The following GNA14 variants were observed in gnomAD, a reference collection of about 807,000 sequenced individuals.
GNA14 encodes guanine nucleotide-binding protein subunit alpha-14.
In GNA14, 50 loss-of-function variants were observed where a neutral mutation model predicts 42.0. The observed-to-expected ratio is 1.19, with a 90% CI of 0.95 to 1.51. The LOEUF (loss-of-function observed/expected upper bound fraction) is 1.51. Ranked by LOEUF, GNA14 falls within the 40% of genes most tolerant of loss-of-function variation. The pLI is 0.00. For synonymous variants in GNA14, 173 were observed against 163.1 expected, an observed-to-expected ratio of 1.06 and a Z score of -0.46; for missense variants, 473 against 446.2, an observed-to-expected ratio of 1.06 and a Z score of -0.54.
chr9:77,526,642 C>G (rs1265270459), intron 2 of GNA14: 2 of 152,358 alleles, frequency 1.3e-5, no homozygotes, highest in East Asian at 1.9e-4. Flanking sequence ...CAGCCACCAC[C>G]AGAAGCTGGG....
chr9:77,613,108 C>A (rs1027798484), intron 1 of GNA14, among the ~76,000 whole-genome samples: 17 of 152,132 alleles, frequency 1.1e-4, no homozygotes, highest in African/African-American at 4.1e-4. Context: ...TGAAATAAGC[C>A]AGACAGAGAA....
chr9:77,540,878 A>AGGTAGGTTTCT (rs1219204984), intron 1 of GNA14, among the ~76,000 whole-genome samples: 1 of 152,098 alleles, frequency 6.6e-6, no homozygotes, highest in Non-Finnish European at 1.5e-5. Flanking sequence ...TGTAGGCAGC[A>AGGTAGGTTTCT]TATAGTTAGA....
In GNA14 at chr9:77,434,395, T is replaced by C. The variant is rs1251900307; in HGVS notation, c.437A>G (p.Glu146Gly). The C allele has an allele frequency of 1.2e-6, 2 of 1,614,050 alleles. No homozygotes were observed. The highest frequency in any genetic ancestry group is 1.7e-5 in the Admixed American group (1 of 60,008). ...GIQECYDRRR[E>G]YQLSDSAKYY... The stretch of plus-strand genomic sequence containing the variant: ...TTTGGCAGAGTCCGACAGCTGGTAC[T>C]CCCTCCTCCTGTCGTAACACTCCTG... Residue 146 changes from glutamate to glycine, a missense_variant, in exon 3 of 7, where the codon GAG (glutamate) becomes GGG (glycine). Transcript: ENST00000341700.
At chr9:77,428,710 CG>C (rs1009804341) in intron 5 of GNA14, among the ~76,000 whole-genome samples, 196 bp downstream of exon 5, 4 of 152,226 alleles carry the variant, frequency 2.6e-5, no homozygotes, top group Admixed American at 2.0e-4. Context: ...TGTAGTTGGT[CG>C]GGGTTGATTC....
At chr9:77,479,043 A>C (rs1836491365) in intron 2 of GNA14, among the ~76,000 whole-genome samples, 1 of 151,922 alleles carries the variant, frequency 6.6e-6, no homozygotes, top group Non-Finnish European at 1.5e-5. Flanking sequence ...CCCATTTGTC[A>C]ATTTTGGCTT....
intron 2 of GNA14, among the ~76,000 whole-genome samples, chr9:77,449,734 A>C (rs1835874340): frequency 6.6e-6 from 1 of 152,200 alleles, no homozygotes; most frequent in Non-Finnish European, 1.5e-5. Flanking sequence ...CCCCAATGCA[A>C]AGGGAAGGGA....
At chr9:77,569,767 TTTC>T (rs1338607539) in intron 1 of GNA14, among the ~76,000 whole-genome samples, 2 of 150,370 alleles carry the variant, frequency 1.3e-5, no homozygotes, top group African/African-American at 2.5e-5. Context: ...TTTTCCTTTC[TTTC>T]TTTTTTTTTT....
intron 2 of GNA14, among the ~76,000 whole-genome samples, chr9:77,491,326 G>A (rs187591390): frequency 6.6e-6 from 1 of 152,248 alleles, no homozygotes; most frequent in Admixed American, 6.5e-5. Flanking sequence ...CTGTAGTTGT[G>A]GTGTAAATTG....
chr9:77,504,889 A>G (rs1837042442), intron 2 of GNA14, among the ~76,000 whole-genome samples: 1 of 151,920 alleles, frequency 6.6e-6, no homozygotes, highest in Non-Finnish European at 1.5e-5. Context: ...GATGGTCTCA[A>G]TCTCCTGACC....
chr9:77,434,487 G>A lies in GNA14; in HGVS notation c.345C>T (p.Asp115=), dbSNP rs368027671. The A allele has an allele frequency of 1.2e-6, 2 of 1,613,642 alleles. No homozygotes were observed. The highest frequency in any genetic ancestry group is 1.7e-6 in the Non-Finnish European group (2 of 1,179,722). Residue 115 remains aspartate, a synonymous_variant, in exon 3 of 7, where the codon GAC becomes GAT. Transcript: ENST00000341700. ...GCTCCCTGGAGAGCATGGAGACCTT[G>A]TCCACTTCCACTTCTCTGATTATCT... ...NAQIIREVEV[D]KVSMLSREQV...
At chr9:77,440,291 G>A (rs1450490210) in intron 2 of GNA14, among the ~76,000 whole-genome samples, 2 of 152,198 alleles carry the variant, frequency 1.3e-5, no homozygotes, top group African/African-American at 4.8e-5. Flanking sequence ...TTTCACGCAG[G>A]GATCCGTGGC....
rs185078316 is a variant in GNA14 at position 77,604,318 on chromosome 9, T to C, written c.124+43352A>G. 8.7e-4 allele frequency among the ~76,000 whole-genome samples: 133 copies of C among 152,350 alleles called. 2 individuals are homozygous for C. Among genetic ancestry groups the C allele is most frequent in the Admixed American group, 2.6e-3 (40 of 15,300 alleles). On this transcript the variant is annotated intron_variant, in intron 1 of 6. Coordinates refer to ENST00000341700, the MANE Select transcript of GNA14 (RefSeq NM_004297.4). ...GAGAAAATCAACTATCCGGTAGAGA[T>C]AGAGGTTTCCAGAACCTATAAAAAT...
chr9:77,545,723 C>T (rs1837711053), intron 1 of GNA14, among the ~76,000 whole-genome samples: 1 of 151,648 alleles, frequency 6.6e-6, no homozygotes, highest in African/African-American at 2.4e-5. Context: ...TTCCGCATTA[C>T]TTTTCCCATA....
At chr9:77,605,315 A>G (rs1439960145) in intron 1 of GNA14, among the ~76,000 whole-genome samples, 1 of 152,226 alleles carries the variant, frequency 6.6e-6, no homozygotes, top group Non-Finnish European at 1.5e-5. Context: ...TCAACACGTA[A>G]GTGCTTGGAA....
chr9:77,584,676 G>T (rs1015710627), intron 1 of GNA14, among the ~76,000 whole-genome samples: 3 of 152,190 alleles, frequency 2.0e-5, no homozygotes, highest in African/African-American at 7.2e-5. Flanking sequence ...AAGAATTCAG[G>T]GTGAGTCCGT....
chr9:77,602,402 T>C (rs1008501201), intron 1 of GNA14, among the ~76,000 whole-genome samples: 2 of 152,194 alleles, frequency 1.3e-5, no homozygotes, highest in Admixed American at 6.5e-5. Context: ...CAACTACCAA[T>C]GGGTTTCAAT....
intron 1 of GNA14, among the ~76,000 whole-genome samples, chr9:77,604,891 T>C (rs1448214563): frequency 6.6e-6 from 1 of 152,240 alleles, no homozygotes; most frequent in Non-Finnish European, 1.5e-5. Flanking sequence ...AGTCCTCTGG[T>C]GGATGAAGCA....
intron 2 of GNA14, among the ~76,000 whole-genome samples, chr9:77,478,072 A>C (rs1394279001): frequency 6.6e-6 from 1 of 151,652 alleles, no homozygotes; most frequent in African/African-American, 2.4e-5. Flanking sequence ...ACATATGCAT[A>C]ATGTGCAGGG....
At chr9:77,522,285 T>C (rs1169187049) in intron 2 of GNA14, among the ~76,000 whole-genome samples, 2 of 152,172 alleles carry the variant, frequency 1.3e-5, no homozygotes, top group Non-Finnish European at 2.9e-5. Flanking sequence ...CTTGAGAGAA[T>C]GCGCTGCAGC....
Sources: allele counts gnomAD v4.1 joint callset (sites outside exome capture counted in the v4.1 genomes callset), GRCh38; gene constraint gnomAD v4.1.1; transcripts MANE v1.5; gene names NCBI Gene and HGNC (gene_info 2026-07-23, HGNC 2026-07-21).